INPP5B: variants seen among roughly 807,000 people sequenced by gnomAD.
The protein encoded by INPP5B is inositol polyphosphate-5-phosphatase B.
INPP5B carries 90 observed loss-of-function variants against 118.5 expected under a neutral mutation model. The observed-to-expected ratio is 0.76, with a 90% confidence interval of 0.64 to 0.90. The LOEUF (loss-of-function observed/expected upper bound fraction) is 0.90. Among genes scored for constraint, INPP5B ranks in the 40% least tolerant of loss-of-function variants. INPP5B has a pLI of 0.00. For missense variants in INPP5B, 984 were observed against 1,125.6 expected (o/e 0.87, Z 1.80); for synonymous variants, 385 against 418.9 (o/e 0.92, Z 0.99).
intron 16 of INPP5B, among the ~76,000 whole-genome samples, chr1:37,876,577 AAAAAG>A (rs1459331591): frequency 4.0e-5 from 6 of 149,064 alleles, no homozygotes; most frequent in African/African-American, 1.5e-4. Flanking sequence ...AAAAAAAAAA[AAAAAG>A]GGCCCGGTGG....
chr1:37,883,229 G>GA (rs911509016), intron 13 of INPP5B: 2 of 984,944 alleles, frequency 2.0e-6, no homozygotes, highest in African/African-American at 1.8e-5. Context: ...TGGGAAGAGG[G>GA]AAAAAAAATC....
chr1:37,911,081 G>C (rs769429589), intron 7 of INPP5B, among the ~76,000 whole-genome samples: 3 of 152,158 alleles, frequency 2.0e-5, no homozygotes, highest in Non-Finnish European at 4.4e-5. Context: ...CCGCGCCCTG[G>C]AGCCTTTCTG....
intron 7 of INPP5B, among the ~76,000 whole-genome samples, chr1:37,920,037 A>C (rs1478608449): frequency 6.6e-6 from 1 of 152,208 alleles, no homozygotes; most frequent in Non-Finnish European, 1.5e-5. Flanking sequence ...TTATCCTCAC[A>C]ACTACTCTAT....
chr1:37,865,519 T>C (rs1641974989), intron 22 of INPP5B, among the ~76,000 whole-genome samples: 2 of 152,106 alleles, frequency 1.3e-5, no homozygotes, highest in African/African-American at 4.8e-5. Flanking sequence ...TCAACGAGAC[T>C]GGGCACATGG....
At position 37,907,787 on chromosome 1, in the gene INPP5B, G is replaced by A. The variant is rs1253119086; in HGVS notation, c.533-16333C>T. 6.6e-6 allele frequency among the ~76,000 whole-genome samples: 1 copy of A among 152,102 alleles called. No individual in the cohort carries two copies. The highest frequency in any genetic ancestry group is 1.5e-5 in the Non-Finnish European group (1 of 68,016). On this transcript the variant is annotated intron_variant, in intron 7 of 23. Coordinates refer to ENST00000373024, the MANE Select transcript of INPP5B (RefSeq NM_005540.3). This position sits in a 1 kb window ranked among gnomAD's most constrained non-coding sequence, Gnocchi z 4.3. ...GTAATGTCAGGAAGTTACCCTATAT[G>A]GTCTAAAAAGGGGAGGCATGAATAA...
At chr1:37,890,269 G>A (rs1198253303) in intron 8 of INPP5B, among the ~76,000 whole-genome samples, 1 of 151,988 alleles carries the variant, frequency 6.6e-6, no homozygotes, top group Non-Finnish European at 1.5e-5. Flanking sequence ...CAGCTCCTCG[G>A]GAGGCTGAGA....
At chr1:37,938,390 GCCAAATCAACAAT>G (rs1557727037) in intron 6 of INPP5B, among the ~76,000 whole-genome samples, 1 of 152,170 alleles carries the variant, frequency 6.6e-6, no homozygotes, top group African/African-American at 2.4e-5. Flanking sequence ...CCTAACGCAT[GCCAAATCAACAAT>G]GAATGTGAGC....
chr1:37,884,633 A>C (rs1643406628), intron 13 of INPP5B, among the ~76,000 whole-genome samples: 1 of 151,974 alleles, frequency 6.6e-6, no homozygotes, highest in Non-Finnish European at 1.5e-5. Flanking sequence ...AGGGATTCTC[A>C]CACATGTTGA....
intron 7 of INPP5B, among the ~76,000 whole-genome samples, chr1:37,909,951 C>G (rs1358081135): frequency 6.6e-6 from 1 of 152,166 alleles, no homozygotes; most frequent in Admixed American, 6.5e-5. Context: ...GGCCACTGGG[C>G]CAAGGAATGC....
At chr1:37,883,958 ATAAAG>A (rs751235928) in intron 13 of INPP5B, 6 of 619,140 alleles carry the variant, frequency 9.7e-6, no homozygotes, top group Non-Finnish European at 1.0e-5. Flanking sequence ...GATAAATGAG[ATAAAG>A]TAAAGAGAAG....
Position 37,943,890 on chromosome 1 carries a change from G to C in INPP5B, c.156C>G (p.Leu52=). 1 of 1,612,656 alleles carries C rather than the reference G, an allele frequency of 6.2e-7. No individual in the cohort carries two copies. The highest frequency in any genetic ancestry group is 8.5e-7 in the Non-Finnish European group (1 of 1,178,688). The change falls in exon 4 of 24, where the codon CTC becomes CTG. Residue 52 remains leucine (L), a synonymous_variant. Coordinates refer to ENST00000373024, the MANE Select transcript of INPP5B (RefSeq NM_005540.3). Reference sequence around the variant, plus strand: ...CCATCCTCCGGTGCGTATAGAGGAAGAGACTAAGGGCAGGAAGCAGAGGTG... The same window carrying C: ...CCATCCTCCGGTGCGTATAGAGGAACAGACTAAGGGCAGGAAGCAGAGGTG... The part of the protein sequence containing the change: ...RLEHGGQEHA[L]FLYTHRRMAI...
chr1:37,931,764 C>G (rs981645268), intron 7 of INPP5B, 149 bp downstream of exon 7: 1 of 1,603,590 alleles, frequency 6.2e-7, no homozygotes, highest in Non-Finnish European at 8.5e-7. Context: ...CCCGCGCGCT[C>G]CGCCCCCAGA....
In INPP5B at chr1:37,931,529, T is replaced by G. The variant is rs1400943514; in HGVS notation, c.532+384A>C. 4.6e-6 allele frequency: 7 copies of G among 1,535,500 alleles called. No individual in the cohort carries two copies. In the Admixed American group the frequency reaches 1.4e-4, roughly 30 times the overall value. On this transcript the variant is annotated intron_variant, in intron 7 of 23. Coordinates refer to ENST00000373024, the MANE Select transcript of INPP5B (RefSeq NM_005540.3). ...ACATCACAGAACTTCTGCCCCAGTG[T>G]CCCAGCCTCCAGAGGGCCACCAGGA...
intron 7 of INPP5B, among the ~76,000 whole-genome samples, chr1:37,909,606 G>A (rs1027052359): frequency 3.9e-5 from 6 of 152,080 alleles, no homozygotes; most frequent in Admixed American, 3.3e-4. Context: ...TCCATGGCCC[G>A]TTTGGCAACA....
At chr1:37,897,905 C>T (rs1226288116) in intron 7 of INPP5B, among the ~76,000 whole-genome samples, 3 of 151,964 alleles carry the variant, frequency 2.0e-5, no homozygotes, top group African/African-American at 7.2e-5. Context: ...CACTGCACTC[C>T]AGCCTGGGTG....
chr1:37,897,682 G>C (rs1462004396), intron 7 of INPP5B, among the ~76,000 whole-genome samples: 1 of 151,378 alleles, frequency 6.6e-6, no homozygotes, highest in Non-Finnish European at 1.5e-5. Context: ...CTATTGTCCT[G>C]TGACCCTGCC....
intron 8 of INPP5B, among the ~76,000 whole-genome samples, chr1:37,890,970 T>G (rs1486682786): frequency 6.6e-6 from 1 of 152,174 alleles, no homozygotes; most frequent in Non-Finnish European, 1.5e-5. Context: ...CTCATGCCTG[T>G]AATCCCAGCA....
rs575374697 is a variant in INPP5B, at chr1:37,871,314, C to T, written c.2187+1616G>A. 2.0e-5 allele frequency among the ~76,000 whole-genome samples: 3 copies of T among 147,054 alleles called. No individual in the cohort carries two copies. The South Asian group carries it at 6.5e-4, about 32-fold the overall frequency. On this transcript the variant is annotated intron_variant, in intron 19 of 23. Coordinates refer to ENST00000373024, the MANE Select transcript of INPP5B (RefSeq NM_005540.3). ...CTCTATAGAAAATACAAAAATTAGC[C>T]GGGTATGGTGGCGGGCACCTGTAAT...
chr1:37,927,539 CTT>C (rs755352733), intron 7 of INPP5B, among the ~76,000 whole-genome samples: 19 of 142,364 alleles, frequency 1.3e-4, no homozygotes, highest in Admixed American at 2.8e-4. Context: ...CTTTTTCTTT[CTT>C]TTTTTTTTTT....
Sources: allele counts gnomAD v4.1 joint callset (sites outside exome capture counted in the v4.1 genomes callset), GRCh38; gene constraint gnomAD v4.1.1; non-coding constraint Gnocchi (gnomAD v3.1); transcripts MANE v1.5; gene names NCBI Gene and HGNC (gene_info 2026-07-23, HGNC 2026-07-21).